Variants in SPRY3 observed in about 807,000 individuals in gnomAD.
The protein encoded by SPRY3 is sprouty RTK signaling antagonist 3.
SPRY3 carries 15 observed loss-of-function variants against 20.2 expected under a neutral mutation model. The ratio of observed to expected loss-of-function variants is 0.74; its 90% CI spans 0.50 to 1.14. SPRY3 has a LOEUF of 1.14. Among genes scored for constraint, SPRY3 ranks in the 50% most tolerant of loss-of-function variants. SPRY3 has a pLI of 0.00. For synonymous variants in SPRY3, 143 were observed against 136.5 expected (o/e 1.05, Z -0.33); for missense variants, 364 against 363.9 (o/e 1.00, Z 0.00).
At chrX:155,754,015 C>A (rs1340565307) in intron 2 of SPRY3, among the ~76,000 whole-genome samples, 2 of 151,814 alleles carry the variant, frequency 1.3e-5, no homozygotes, top group African/African-American at 2.4e-5. Flanking sequence ...GACTGGTAAA[C>A]ATTTTCTCCT....
chrX:155,621,578 TATC>T (rs1557349432), intron 1 of SPRY3, among the ~76,000 whole-genome samples: 2 of 111,858 alleles, frequency 1.8e-5, no homozygotes, highest in Admixed American at 9.5e-5. Context: ...TGAGTTGGGC[TATC>T]ATCATATGCC....
rs55857040 is a variant in SPRY3 at position 155,776,105 on chromosome X, A to G, written c.*1367A>G. ...GACTTTTTCCTAGGGCTCTATTAAC[A>G]GTGACAGAAAGCCATTCCCATTCAA... On this transcript the variant is annotated 3_prime_UTR_variant, in exon 4 of 4. Coordinates refer to ENST00000675360, the Ensembl canonical transcript of SPRY3. 6.7e-3 allele frequency: 1,113 copies of G among 167,208 alleles called. 6 individuals are homozygous for G. The highest frequency in any genetic ancestry group is 0.027 in the Middle Eastern group (8 of 296). 10.4% of individuals were successfully genotyped at this position (167,208 alleles called of 1,614,324 possible).
intron 2 of SPRY3, among the ~76,000 whole-genome samples, chrX:155,660,104 G>A (rs911736845): frequency 1.8e-5 from 2 of 111,137 alleles, no homozygotes; most frequent in African/African-American, 6.5e-5. Context: ...AGTTTCTTGA[G>A]GTGTGACATT....
At chrX:155,707,376 A>G (rs2090959086) in intron 2 of SPRY3, among the ~76,000 whole-genome samples, 1 of 151,186 alleles carries the variant, frequency 6.6e-6, no homozygotes. Context: ...GAATTTATTG[A>G]GACTTGGTTT....
chrX:155,629,678 G>A, intron 1 of SPRY3, among the ~76,000 whole-genome samples: 1 of 111,731 alleles, frequency 9.0e-6, no homozygotes, highest in Non-Finnish European at 1.9e-5. Context: ...GTTGTTTCCT[G>A]ACTTTTTAAT....
intron 2 of SPRY3, among the ~76,000 whole-genome samples, chrX:155,689,932 A>G (rs754351785): frequency 1.1e-5 from 1 of 87,014 alleles, no homozygotes; most frequent in Admixed American, 1.2e-4. Context: ...TGAGATCTTT[A>G]TAACTTTTTG....
At chrX:155,750,004 G>T (rs936656825) in intron 2 of SPRY3, among the ~76,000 whole-genome samples, 5 of 151,716 alleles carry the variant, frequency 3.3e-5, no homozygotes, top group Non-Finnish European at 5.9e-5. Context: ...AATAGAAGAG[G>T]ACCAAGGATT....
chrX:155,628,983 TTTTTCTGTTTTC>T (rs2067897120), intron 1 of SPRY3, among the ~76,000 whole-genome samples: 1 of 111,641 alleles, frequency 9.0e-6, no homozygotes, highest in Non-Finnish European at 1.9e-5. Context: ...TTTTTTTTCT[TTTTTCTGTTTTC>T]TTTTTTGTTT....
At chrX:155,622,016 AG>A (rs2067872834) in intron 1 of SPRY3, among the ~76,000 whole-genome samples, 1 of 106,530 alleles carries the variant, frequency 9.4e-6, no homozygotes, top group African/African-American at 3.4e-5. Flanking sequence ...GTATCTCTGG[AG>A]TATAGGGCCA....
intron 1 of SPRY3, among the ~76,000 whole-genome samples, chrX:155,629,640 C>A (rs1411654928): frequency 8.9e-6 from 1 of 111,758 alleles, no homozygotes; most frequent in African/African-American, 3.3e-5. Context: ...AAAAGCGTTC[C>A]TATTTCTCCA....
chrX:155,758,412 G>A (rs2091291572), intron 2 of SPRY3, among the ~76,000 whole-genome samples: 1 of 152,096 alleles, frequency 6.6e-6, no homozygotes, highest in African/African-American at 2.4e-5. Context: ...TGGTAACATT[G>A]CTCCTAAACT....
intron 1 of SPRY3, among the ~76,000 whole-genome samples, chrX:155,641,339 T>C (rs782307435): frequency 1.6e-3 from 174 of 112,042 alleles, no homozygotes; most frequent in African/African-American, 5.4e-3. Context: ...GTTGAAAAAT[T>C]TTGCATCAAT....
chrX:155,656,153 G>C (rs977376128), intron 1 of SPRY3, among the ~76,000 whole-genome samples: 1 of 111,400 alleles, frequency 9.0e-6, no homozygotes, highest in African/African-American at 3.3e-5. Flanking sequence ...TATCTTGCTA[G>C]GTTGGGGAAG....
chrX:155,647,752 C>T lies in SPRY3; in HGVS notation c.-440-9115C>T, dbSNP rs141707082. Among the ~76,000 whole-genome samples the T allele has an allele frequency of 7.0e-3, 778 of 111,563 alleles. 6 individuals carry two copies. Among genetic ancestry groups the T allele is most frequent in the African/African-American group, 0.024 (736 of 30,715 alleles). Reference sequence around the variant, plus strand: ...TCCAAGTCTTTGCTATTGTGAATAGCGCTGCATTAAACATATGTGTGCATG... The same window carrying T: ...TCCAAGTCTTTGCTATTGTGAATAGTGCTGCATTAAACATATGTGTGCATG... On this transcript the variant is annotated intron_variant, in intron 1 of 3. Transcript: ENST00000675360.
intron 2 of SPRY3, among the ~76,000 whole-genome samples, chrX:155,730,783 C>T (rs1257679828): frequency 3.9e-5 from 6 of 151,964 alleles, no homozygotes; most frequent in Admixed American, 1.3e-4. Flanking sequence ...CACCAGAAAC[C>T]TATTGGAACT....
At chrX:155,756,764 A>G (rs1211815389) in intron 2 of SPRY3, among the ~76,000 whole-genome samples, 1 of 152,170 alleles carries the variant, frequency 6.6e-6, no homozygotes, top group African/African-American at 2.4e-5. Context: ...TACAAGACAC[A>G]GAGACTTACA....
At chrX:155,745,940 G>A (rs997905643) in intron 2 of SPRY3, among the ~76,000 whole-genome samples, 1 of 151,954 alleles carries the variant, frequency 6.6e-6, no homozygotes, top group East Asian at 1.9e-4. Context: ...AAGAGCGAGC[G>A]TTACACTTGG....
chrX:155,657,578 CA>C (rs1405895222), intron 2 of SPRY3, among the ~76,000 whole-genome samples: 3 of 112,037 alleles, frequency 2.7e-5, no homozygotes, highest in African/African-American at 9.7e-5. Context: ...TGAGTGAGAC[CA>C]CTTGGCTCCC....
At chrX:155,635,063 G>C (rs2067918799) in intron 1 of SPRY3, among the ~76,000 whole-genome samples, 1 of 108,441 alleles carries the variant, frequency 9.2e-6, no homozygotes, top group Non-Finnish European at 1.9e-5. Flanking sequence ...ACAGGCCCCA[G>C]CGTGTGATGC....
Sources: gnomAD v4.1 joint callset for allele counts (sites outside exome capture counted in the v4.1 genomes callset) on GRCh38, gnomAD v4.1.1 for gene constraint, MANE v1.5 for transcripts, NCBI Gene and HGNC (gene_info 2026-07-23, HGNC 2026-07-21) for gene names.